RBMS3: variants seen among roughly 807,000 people sequenced by gnomAD.
RBMS3 encodes the protein RNA binding motif single stranded interacting protein 3, also known as RNA-binding motif, single-stranded-interacting protein 3.
In RBMS3, 27 loss-of-function variants were observed where a neutral mutation model predicts 66.8. The observed-to-expected ratio is 0.40, with a 90% CI of 0.30 to 0.56. The LOEUF (loss-of-function observed/expected upper bound fraction) is 0.56. RBMS3 is among the 20% of genes least tolerant of loss of function. The probability of loss-of-function intolerance (pLI) is 0.40; values close to 1 mark genes in which losing one functional copy is unlikely to be tolerated. For synonymous variants in RBMS3, 188 were observed against 183.0 expected (o/e 1.03, Z -0.22); for missense variants, 513 against 549.5 (o/e 0.93, Z 0.66).
intron 3 of RBMS3, among the ~76,000 whole-genome samples, chr3:29,508,399 T>G (rs1460733184): frequency 2.0e-5 from 3 of 152,154 alleles, no homozygotes; most frequent in Admixed American, 6.5e-5. Context: ...CCCCTCCCTG[T>G]GTCCATGCGT....
At chr3:29,593,094 A>G (rs996569577) in intron 4 of RBMS3, among the ~76,000 whole-genome samples, 2 of 152,060 alleles carry the variant, frequency 1.3e-5, no homozygotes, top group Non-Finnish European at 2.9e-5. Context: ...CAACACACGA[A>G]CATGGCACAT....
rs79227056 is a variant in RBMS3 at position 29,649,016 on chromosome 3, A to G, written c.399+61811A>G. Among the ~76,000 whole-genome samples the G allele has an allele frequency of 7.9e-3, 1,203 of 152,320 alleles. 14 individuals carry two copies. Among genetic ancestry groups the G allele is most frequent in the African/African-American group, 0.028 (1,166 of 41,572 alleles). On this transcript the variant is annotated intron_variant, in intron 4 of 14. Coordinates refer to ENST00000383767, the MANE Select transcript of RBMS3 (RefSeq NM_001003793.3). The stretch of plus-strand genomic sequence containing the variant: ...CCTTAAGCCTTTTGGCCTAACTAAC[A>G]TGGTAACTTTGTCCTCATTCCCTGC...
chr3:29,880,138 A>G (rs377311448), intron 7 of RBMS3, among the ~76,000 whole-genome samples: 85 of 152,264 alleles, frequency 5.6e-4, no homozygotes, highest in African/African-American at 1.9e-3. Context: ...TTTAGCTCCT[A>G]TAGTAAAAAT....
intron 3 of RBMS3, among the ~76,000 whole-genome samples, chr3:29,530,601 C>T (rs2045313843): frequency 1.3e-5 from 2 of 151,812 alleles, no homozygotes; most frequent in Admixed American, 1.3e-4. Flanking sequence ...GTGGCTCACT[C>T]CTGTAATCCC....
intron 4 of RBMS3, among the ~76,000 whole-genome samples, chr3:29,620,444 G>A (rs1025451050): frequency 1.3e-5 from 2 of 151,904 alleles, no homozygotes; most frequent in Non-Finnish European, 2.9e-5. Context: ...CATTGAAGTC[G>A]CCAGTAACTT....
intron 4 of RBMS3, among the ~76,000 whole-genome samples, chr3:29,692,915 C>A (rs924294756): frequency 6.6e-6 from 1 of 152,102 alleles, no homozygotes; most frequent in Non-Finnish European, 1.5e-5. Context: ...ACATTGTGCT[C>A]ATTTATGTTT....
intron 3 of RBMS3, among the ~76,000 whole-genome samples, chr3:29,489,714 G>C (rs1029323328): frequency 1.4e-5 from 2 of 141,388 alleles, no homozygotes; most frequent in Admixed American, 1.5e-4. Flanking sequence ...ATTTCAGAAT[G>C]TAATTGAGTA....
At chr3:29,581,334 A>G (rs1576287275) in intron 3 of RBMS3, among the ~76,000 whole-genome samples, 1 of 152,196 alleles carries the variant, frequency 6.6e-6, no homozygotes, top group South Asian at 2.1e-4. Context: ...AGGAAATCCA[A>G]TAAGGAAAGA....
At chr3:29,465,571 G>A (rs1301588156) in intron 2 of RBMS3, among the ~76,000 whole-genome samples, 1 of 148,386 alleles carries the variant, frequency 6.7e-6, no homozygotes, top group African/African-American at 2.5e-5. Flanking sequence ...TAAATCTAGT[G>A]AGCCCCTGAG....
rs1329721115 is a variant in RBMS3 at position 29,601,232 on chromosome 3, C to A, written c.399+14027C>A. On this transcript the variant is annotated intron_variant, in intron 4 of 14. Coordinates refer to ENST00000383767, the MANE Select transcript of RBMS3 (RefSeq NM_001003793.3). ...TTTACACAATGCTATGTTTCTTGAG[C>A]ACATATTATTTAGGAAATGTAATTG... Among the ~76,000 whole-genome samples, 4 of 151,908 alleles carry A rather than the reference C, an allele frequency of 2.6e-5. No individual in the cohort carries two copies. In the South Asian group the frequency reaches 8.3e-4, roughly 31 times the overall value.
At chr3:29,290,064 T>C (rs187653126) in intron 1 of RBMS3, among the ~76,000 whole-genome samples, 1 of 151,986 alleles carries the variant, frequency 6.6e-6, no homozygotes, top group African/African-American at 2.4e-5. Context: ...TCTGGTTTTC[T>C]GGAACTGGTT....
chr3:29,419,844 C>A (rs1436883993), intron 1 of RBMS3, among the ~76,000 whole-genome samples: 2 of 152,136 alleles, frequency 1.3e-5, no homozygotes, highest in East Asian at 1.9e-4. Flanking sequence ...TATTAAGACC[C>A]ATTTCCTGAA....
chr3:29,644,033 AC>A (rs2049826827), intron 4 of RBMS3, among the ~76,000 whole-genome samples: 1 of 152,126 alleles, frequency 6.6e-6, no homozygotes, highest in African/African-American at 2.4e-5. Flanking sequence ...TGCCGCTTCT[AC>A]CCCCAGCTTT....
At chr3:29,558,808 C>T (rs1242525837) in intron 3 of RBMS3, among the ~76,000 whole-genome samples, 1 of 152,188 alleles carries the variant, frequency 6.6e-6, no homozygotes, top group Non-Finnish European at 1.5e-5. Context: ...GTCCCAGTAA[C>T]TTGCGTTTCT....
rs545805188 is a variant in RBMS3 at position 29,958,258 on chromosome 3, G to C, written c.1098+14004G>C. On this transcript the variant is annotated intron_variant, in intron 12 of 14. Transcript: ENST00000383767. ...TTTCTAAATGACATTGAAAATTCTT[G>C]CAGATTAGGTATTCAAAGGGATAAA... 2.0e-5 allele frequency among the ~76,000 whole-genome samples: 3 copies of C among 152,188 alleles called. No individual in the cohort carries two copies. The East Asian group carries it at 5.8e-4, about 29-fold the overall frequency.
chr3:29,507,837 A>G (rs1389656618), intron 3 of RBMS3, among the ~76,000 whole-genome samples: 2 of 152,164 alleles, frequency 1.3e-5, no homozygotes, highest in South Asian at 4.1e-4. Context: ...AGTGATTACA[A>G]GGGTTCTTGT....
chr3:29,417,483 A>G (rs1237201322), intron 1 of RBMS3, among the ~76,000 whole-genome samples: 1 of 152,056 alleles, frequency 6.6e-6, no homozygotes, highest in Non-Finnish European at 1.5e-5. Flanking sequence ...CCCTAATATT[A>G]TCTTAATTCT....
At chr3:29,555,157 A>C (rs1449235247) in intron 3 of RBMS3, among the ~76,000 whole-genome samples, 1 of 152,232 alleles carries the variant, frequency 6.6e-6, no homozygotes, top group Admixed American at 6.5e-5. Flanking sequence ...CAACAAATAT[A>C]AATTGAGAGC....
chr3:29,498,358 T>C (rs1455923450), intron 3 of RBMS3, among the ~76,000 whole-genome samples: 1 of 152,090 alleles, frequency 6.6e-6, no homozygotes, highest in African/African-American at 2.4e-5. Context: ...TTTTTAATGG[T>C]TTAAAGCTAT....
Sources: allele counts gnomAD v4.1 joint callset (sites outside exome capture counted in the v4.1 genomes callset), GRCh38; gene constraint gnomAD v4.1.1; transcripts MANE v1.5; gene names NCBI Gene and HGNC (gene_info 2026-07-23, HGNC 2026-07-21).